The following PLA2G4C variants were observed in gnomAD, a reference collection of about 807,000 sequenced individuals.
PLA2G4C encodes the protein cytosolic phospholipase A2 gamma.
A neutral mutation model predicts 73.8 loss-of-function variants in PLA2G4C; 64 were observed. The observed-to-expected ratio is 0.87, with a 90% CI of 0.71 to 1.07. PLA2G4C has a LOEUF of 1.07. Ranked by LOEUF, PLA2G4C falls within the 50% of genes least tolerant of loss-of-function variation. The pLI, the probability that PLA2G4C is intolerant of heterozygous loss-of-function variation, is 0.00. For missense variants in PLA2G4C, 622 were observed against 665.4 expected (o/e 0.93, Z 0.72); for synonymous variants, 254 against 252.1 (o/e 1.01, Z -0.07).
rs371852261 is a variant in PLA2G4C at position 48,051,558 on chromosome 19, AGAGAGAGAGATC to A, written c.1580+1427_1580+1438del. ...TCTTCACAGGGTGGCAGGAGAGATG[AGAGAGAGAGATC>A]GAGAGAGAGAGAGCAGGGGAAACTG... On this transcript the variant is annotated intron_variant, in intron 16 of 16. Coordinates refer to ENST00000599921, the MANE Select transcript of PLA2G4C (RefSeq NM_003706.3). 3.1e-3 allele frequency among the ~76,000 whole-genome samples: 242 copies of A among 78,842 alleles called. 1 individual carries two copies. The highest frequency in any genetic ancestry group is 6.4e-3 in the African/African-American group (221 of 34,642). 51.7% of individuals were successfully genotyped at this position (78,842 alleles called of 152,430 possible).
intron 14 of PLA2G4C, among the ~76,000 whole-genome samples, chr19:48,056,341 A>C (rs1413442419): frequency 2.0e-5 from 3 of 152,114 alleles, no homozygotes; most frequent in African/African-American, 7.2e-5. Flanking sequence ...TGAGGTCAGG[A>C]GTTTGAGACC....
At chr19:48,048,988 C>A (rs1967623648) in intron 16 of PLA2G4C, among the ~76,000 whole-genome samples, 1 of 152,064 alleles carries the variant, frequency 6.6e-6, no homozygotes, top group African/African-American at 2.4e-5. Context: ...TAAAAGGAAA[C>A]TGGTGCTTTC....
Position 48,110,531 on chromosome 19 carries a change from T to TGCTCCGGAATCCTGTGCGGAGGCTTGG in PLA2G4C, c.-78_-77insCCAAGCCTCCGCACAGGATTCCGGAGC. On this transcript the variant is annotated 5_prime_UTR_variant, in exon 1 of 17. Transcript: ENST00000599921. Reference sequence around the variant, plus strand: ...GTGTGCGCATGCGCGGTGGAGCTTGTGCTCCGGAATCCGGTGCGGAGGCTT... The same window carrying TGCTCCGGAATCCTGTGCGGAGGCTTGG: ...GTGTGCGCATGCGCGGTGGAGCTTGTGCTCCGGAATCCTGTGCGGAGGCTTGGGCTCCGGAATCCGGTGCGGAGGCTT... The TGCTCCGGAATCCTGTGCGGAGGCTTGG allele has an allele frequency of 7.2e-7, 1 of 1,386,154 alleles. No homozygotes were observed. The highest frequency in any genetic ancestry group is 9.5e-7 in the Non-Finnish European group (1 of 1,049,478). 85.9% of individuals were successfully genotyped at this position (1,386,154 alleles called of 1,614,324 possible).
chr19:48,052,985 T>A lies in PLA2G4C; in HGVS notation c.1580+12A>T. ...AGCATAGGCATCAGAGCGACTATGG[T>A]CTCCCACCTACCCGGCCACGTTCAT... On this transcript the variant is annotated intron_variant, in intron 16 of 16. Transcript: ENST00000599921. The A allele has an allele frequency of 6.3e-7, 1 of 1,598,508 alleles. No homozygotes were observed. The highest frequency in any genetic ancestry group is 1.3e-5 in the African/African-American group (1 of 74,774).
chr19:48,060,628 CG>C, intron 14 of PLA2G4C, among the ~76,000 whole-genome samples: 1 of 152,092 alleles, frequency 6.6e-6, no homozygotes, highest in African/African-American at 2.4e-5. Flanking sequence ...GCCTATCGCT[CG>C]GGGTCATGCA....
rs139991193 is a variant in PLA2G4C at position 48,053,647 on chromosome 19, A to T, written c.1430-500T>A. Among the ~76,000 whole-genome samples the T allele has an allele frequency of 1.4e-3, 203 of 150,018 alleles. 1 individual carries two copies. The highest frequency in any genetic ancestry group is 4.7e-3 in the African/African-American group (187 of 40,158). On this transcript the variant is annotated intron_variant, in intron 15 of 16. Coordinates refer to ENST00000599921, the MANE Select transcript of PLA2G4C (RefSeq NM_003706.3). ...CTTGGCGTCCCAAAGTGCTGGGATT[A>T]CAGGCGTGAGCCACCGCGCCTGGCC...
chr19:48,051,466 T>G (rs1967722606), intron 16 of PLA2G4C, among the ~76,000 whole-genome samples: 1 of 152,214 alleles, frequency 6.6e-6, no homozygotes, highest in Non-Finnish European at 1.5e-5. Context: ...TTGCCATTAC[T>G]TTTAGTTGCA....
At chr19:48,089,996 A>G (rs1409177444) in intron 8 of PLA2G4C, among the ~76,000 whole-genome samples, 2 of 152,210 alleles carry the variant, frequency 1.3e-5, no homozygotes, top group Admixed American at 6.5e-5. Context: ...ATGTTTACTG[A>G]GTGCCGTTAT....
chr19:48,054,156 T>A (rs1967837087), intron 15 of PLA2G4C, among the ~76,000 whole-genome samples: 1 of 152,146 alleles, frequency 6.6e-6, no homozygotes, highest in Middle Eastern at 3.2e-3. Flanking sequence ...GGTGGTGATA[T>A]GGTTTGGCTG....
At chr19:48,090,202 G>A (rs562802822) in intron 8 of PLA2G4C, 162 bp downstream of exon 8, 53 of 633,280 alleles carry the variant, frequency 8.4e-5, no homozygotes, top group Non-Finnish European at 1.5e-4. Context: ...CCACTCTGTG[G>A]TCATCCTGGC....
intron 14 of PLA2G4C, among the ~76,000 whole-genome samples, chr19:48,060,212 T>G (rs537597157): frequency 6.6e-6 from 1 of 152,284 alleles, no homozygotes; most frequent in African/African-American, 2.4e-5. Flanking sequence ...CTATTGGTTC[T>G]GTCCCTCTGG....
At position 48,074,629 on chromosome 19, in the gene PLA2G4C, C is replaced by T. The variant is rs569220335; in HGVS notation, c.1006+138G>A. 10 of 687,626 alleles carry T rather than the reference C, an allele frequency of 1.5e-5. No individual in the cohort carries two copies. The East Asian group carries it at 2.6e-4, about 18-fold the overall frequency. 42.6% of individuals were successfully genotyped at this position (687,626 alleles called of 1,614,324 possible). A position where few individuals can be genotyped will look rare whatever the true frequency, so the allele number is the denominator to read the frequency against. On this transcript the variant is annotated intron_variant, in intron 12 of 16. Transcript: ENST00000599921. ...TTCCAACATGAGATGTGGAAGGGAA[C>T]AAATATCCAAACTGTACCAGTGGGA...
At position 48,061,522 on chromosome 19, in the gene PLA2G4C, T is replaced by C. The variant is rs11564640; in HGVS notation, c.1257+476A>G. On this transcript the variant is annotated intron_variant, in intron 14 of 16. Transcript: ENST00000599921. ...ATATGAAGGCAGGGAGAACGGATCC[T>C]AGTGGCCACTGGGAAGGTGCAATAT... The C allele has an allele frequency of 1.0e-3, 158 of 156,254 alleles. 3 individuals are homozygous for C. In the South Asian group the frequency reaches 0.028, roughly 28 times the overall value. 9.7% of individuals were successfully genotyped at this position (156,254 alleles called of 1,614,324 possible). A position where few individuals can be genotyped will look rare whatever the true frequency, so the allele number is the denominator to read the frequency against.
At chr19:48,083,812 C>T (rs2030802203) in intron 10 of PLA2G4C, among the ~76,000 whole-genome samples, 2 of 151,976 alleles carry the variant, frequency 1.3e-5, no homozygotes, top group Admixed American at 1.3e-4. Context: ...GTCACTAACG[C>T]ATGAGAGGTG....
intron 13 of PLA2G4C, 176 bp from the exon 14 acceptor site, chr19:48,062,328 T>C (rs1284233779): frequency 3.6e-6 from 2 of 553,032 alleles, no homozygotes; most frequent in Admixed American, 7.2e-5. Flanking sequence ...GTTGAAGCCC[T>C]GGCTGGGTGC....
intron 5 of PLA2G4C, among the ~76,000 whole-genome samples, chr19:48,099,401 CT>C (rs1372935969): frequency 6.6e-6 from 1 of 152,194 alleles, no homozygotes; most frequent in Non-Finnish European, 1.5e-5. Context: ...CCTCATTGTT[CT>C]TCTTGCCCTG....
intron 14 of PLA2G4C, among the ~76,000 whole-genome samples, chr19:48,059,618 T>C (rs1968091560): frequency 6.6e-6 from 1 of 152,088 alleles, no homozygotes; most frequent in Non-Finnish European, 1.5e-5. Flanking sequence ...CTGGCTTTCA[T>C]CTTTCTCCTG....
chr19:48,092,757 G>C (rs1231448394), intron 7 of PLA2G4C, among the ~76,000 whole-genome samples: 1 of 150,348 alleles, frequency 6.7e-6, no homozygotes, highest in African/African-American at 2.5e-5. Flanking sequence ...GCTAAGGGAG[G>C]GGGTGACAGG....
intron 12 of PLA2G4C, among the ~76,000 whole-genome samples, chr19:48,069,935 T>C (rs536529556): frequency 6.6e-6 from 1 of 152,044 alleles, no homozygotes; most frequent in East Asian, 1.9e-4. Context: ...CGGCTAAATA[T>C]TTTTTTGTAT....
Sources: gnomAD v4.1 joint callset for allele counts (sites outside exome capture counted in the v4.1 genomes callset) on GRCh38, gnomAD v4.1.1 for gene constraint, MANE v1.5 for transcripts, NCBI Gene and HGNC (gene_info 2026-07-23, HGNC 2026-07-21) for gene names.